The following PEPD variants were observed in gnomAD, a reference collection of about 807,000 sequenced individuals.
PEPD encodes xaa-Pro dipeptidase.
A neutral mutation model predicts 60.7 loss-of-function variants in PEPD; 53 were observed. The ratio of observed to expected loss-of-function variants is 0.87; its 90% CI spans 0.70 to 1.10. The LOEUF (loss-of-function observed/expected upper bound fraction) is 1.10. Ranked by LOEUF, PEPD falls within the 50% of genes least tolerant of loss-of-function variation. The pLI, the probability that PEPD is intolerant of heterozygous loss-of-function variation, is 0.00. For missense variants in PEPD, 711 were observed against 711.9 expected (o/e 1.00, Z 0.01); for synonymous variants, 267 against 284.1 (o/e 0.94, Z 0.60).
intron 6 of PEPD, among the ~76,000 whole-genome samples, chr19:33,485,299 G>A (rs1970376339): frequency 6.6e-6 from 1 of 152,062 alleles, no homozygotes; most frequent in Non-Finnish European, 1.5e-5. Flanking sequence ...CTCGAGACCA[G>A]CCTGGCCAAC....
At chr19:33,402,560 C>T (rs1356006806) in intron 11 of PEPD, among the ~76,000 whole-genome samples, 1 of 152,190 alleles carries the variant, frequency 6.6e-6, no homozygotes, top group Non-Finnish European at 1.5e-5. Flanking sequence ...ATGGGACGGA[C>T]ATATTCTGCC....
At chr19:33,398,213 C>T (rs978677165) in intron 12 of PEPD, among the ~76,000 whole-genome samples, 1 of 152,376 alleles carries the variant, frequency 6.6e-6, no homozygotes, top group Admixed American at 6.5e-5. Context: ...AGCTGAGCTC[C>T]TCAGCCTGAT....
At chr19:33,520,452 C>T (rs1971109860) in intron 1 of PEPD, among the ~76,000 whole-genome samples, 1 of 152,234 alleles carries the variant, frequency 6.6e-6, no homozygotes, top group Non-Finnish European at 1.5e-5. Flanking sequence ...CACACTTTAT[C>T]TGAGCTCAGA....
At chr19:33,486,321 C>T (rs1265922478) in intron 6 of PEPD, among the ~76,000 whole-genome samples, 1 of 151,544 alleles carries the variant, frequency 6.6e-6, no homozygotes, top group East Asian at 2.0e-4. Flanking sequence ...CCACACCCAC[C>T]CCTCCTGCCA....
intron 9 of PEPD, among the ~76,000 whole-genome samples, chr19:33,455,119 TTAG>T (rs1392142052): frequency 6.6e-6 from 1 of 152,088 alleles, no homozygotes; most frequent in East Asian, 1.9e-4. Context: ...GAGGAGGGCA[TTAG>T]GTAAAAGCTA....
At position 33,401,880 on chromosome 19, in the gene PEPD, A is replaced by T; in HGVS notation, c.819-11T>A. 6 of 1,612,512 alleles carry T rather than the reference A, an allele frequency of 3.7e-6. No individual in the cohort carries two copies. The highest frequency in any genetic ancestry group is 5.1e-6 in the Non-Finnish European group (6 of 1,179,660). ...CCCATGTCGAACAGGCTGCGGAGAG[A>T]GGAAGGCAGGGCAAGTGGGTACTGG... On this transcript the variant is annotated splice_polypyrimidine_tract_variant and intron_variant, in intron 11 of 14. Transcript: ENST00000244137.
intron 11 of PEPD, among the ~76,000 whole-genome samples, chr19:33,402,965 G>A (rs1323230514): frequency 1.3e-5 from 2 of 152,204 alleles, no homozygotes; most frequent in Admixed American, 1.3e-4. Context: ...GCCTGTCCTT[G>A]CTGTGCAAAG....
intron 5 of PEPD, 122 bp downstream of exon 5, chr19:33,493,168 A>G (rs1372116566): frequency 1.3e-6 from 1 of 752,862 alleles, no homozygotes; most frequent in East Asian, 2.7e-5. Flanking sequence ...GAGCCCCTGG[A>G]CCCAACCCCT....
At chr19:33,401,900 T>C (rs1454829934) in intron 11 of PEPD, 31 bp from the exon 12 acceptor site, 1 of 1,609,344 alleles carries the variant, frequency 6.2e-7, no homozygotes, top group South Asian at 1.1e-5. Context: ...GGCAAGTGGG[T>C]ACTGGGGTGC....
At chr19:33,479,477 T>C (rs1209860674) in intron 6 of PEPD, among the ~76,000 whole-genome samples, 1 of 152,060 alleles carries the variant, frequency 6.6e-6, no homozygotes, top group Non-Finnish European at 1.5e-5. Flanking sequence ...ACTTGTGTAA[T>C]GGGGCTTTGT....
chr19:33,439,810 C>A (rs189580200), intron 9 of PEPD, among the ~76,000 whole-genome samples: 62 of 152,284 alleles, frequency 4.1e-4, no homozygotes, highest in African/African-American at 1.5e-3. Context: ...GGTGCTGCCA[C>A]CCTTAAGGCT....
At chr19:33,421,427 T>C (rs1969015955) in intron 9 of PEPD, among the ~76,000 whole-genome samples, 1 of 152,198 alleles carries the variant, frequency 6.6e-6, no homozygotes, top group Admixed American at 6.5e-5. Context: ...CCACTGAAGG[T>C]TCTTGTTAAA....
At chr19:33,460,856 C>T (rs1219656451) in intron 9 of PEPD, among the ~76,000 whole-genome samples, 3 of 152,138 alleles carry the variant, frequency 2.0e-5, no homozygotes, top group South Asian at 2.1e-4. Flanking sequence ...ACGCAGGAGG[C>T]GGCAGCAAGG....
intron 3 of PEPD, among the ~76,000 whole-genome samples, chr19:33,505,117 G>T (rs1970774893): frequency 6.6e-6 from 1 of 152,190 alleles, no homozygotes; most frequent in Admixed American, 6.5e-5. Context: ...CAAAAAGCAG[G>T]TCTTGCTGGC....
chr19:33,516,978 G>A (rs4805901), intron 1 of PEPD, among the ~76,000 whole-genome samples: 10 of 139,958 alleles, frequency 7.1e-5, no homozygotes, highest in Admixed American at 2.2e-4. Context: ...GCAGGAATTC[G>A]AGACCAGAAT....
At chr19:33,488,858 C>A (rs999324255) in intron 6 of PEPD, among the ~76,000 whole-genome samples, 1 of 152,168 alleles carries the variant, frequency 6.6e-6, no homozygotes, top group South Asian at 2.1e-4. Context: ...CAGAGGACAA[C>A]AGAAGACATG....
chr19:33,437,076 A>T (rs1406938216), intron 9 of PEPD, among the ~76,000 whole-genome samples: 1 of 152,136 alleles, frequency 6.6e-6, no homozygotes, highest in Non-Finnish European at 1.5e-5. Flanking sequence ...TCCAGGGGCC[A>T]CGGGAGAAGC....
intron 4 of PEPD, among the ~76,000 whole-genome samples, chr19:33,497,500 G>A (rs558441293): frequency 7.2e-5 from 11 of 152,362 alleles, no homozygotes; most frequent in Non-Finnish European, 1.5e-4. Context: ...CTGTGGGGAG[G>A]AGGGAACCTC....
At chr19:33,416,437 C>T (rs1487173654) in intron 9 of PEPD, among the ~76,000 whole-genome samples, 1 of 152,214 alleles carries the variant, frequency 6.6e-6, no homozygotes, top group Admixed American at 6.5e-5. Flanking sequence ...AGTGTCACCG[C>T]CCCACTGCGA....
Sources: gnomAD v4.1 joint callset for allele counts (sites outside exome capture counted in the v4.1 genomes callset) on GRCh38, gnomAD v4.1.1 for gene constraint, MANE v1.5 for transcripts, NCBI Gene and HGNC (gene_info 2026-07-23, HGNC 2026-07-21) for gene names.